Variants in PTPRT observed in about 807,000 individuals in gnomAD.
PTPRT encodes protein tyrosine phosphatase receptor type T.
A neutral mutation model predicts 176.8 loss-of-function variants in PTPRT; 56 were observed. The observed-to-expected ratio is 0.32, with a 90% CI of 0.26 to 0.40. The LOEUF is 0.40. Ranked by LOEUF, PTPRT falls within the 10% of genes least tolerant of loss-of-function variation. The pLI, the probability that PTPRT is intolerant of heterozygous loss-of-function variation, is 1.00. For missense variants in PTPRT, 1,540 were observed against 1,908.2 expected, an observed-to-expected ratio of 0.81 and a Z score of 3.60; for synonymous variants, 783 against 739.0, an observed-to-expected ratio of 1.06 and a Z score of -0.96.
At chr20:42,595,080 G>A (rs571312270) in intron 7 of PTPRT, among the ~76,000 whole-genome samples, 4 of 152,238 alleles carry the variant, frequency 2.6e-5, no homozygotes, top group South Asian at 2.1e-4. Flanking sequence ...TTGGGGCTGC[G>A]TTGTCACTCC....
chr20:42,690,964 C>T (rs1370363894), intron 6 of PTPRT, among the ~76,000 whole-genome samples: 2 of 152,178 alleles, frequency 1.3e-5, no homozygotes, highest in African/African-American at 2.4e-5. Context: ...TAGCTTTGGA[C>T]CCCTGCACTG....
chr20:42,708,267 A>T (rs2076091144), intron 6 of PTPRT, among the ~76,000 whole-genome samples: 1 of 152,186 alleles, frequency 6.6e-6, no homozygotes, highest in African/African-American at 2.4e-5. Flanking sequence ...CATTTTAAGA[A>T]TATAAAATAT....
intron 15 of PTPRT, among the ~76,000 whole-genome samples, chr20:42,212,957 A>G (rs1400409742): frequency 6.6e-6 from 1 of 152,132 alleles, no homozygotes; most frequent in Non-Finnish European, 1.5e-5. Context: ...TTTAAAAATT[A>G]CCAGTGAGAT....
intron 28 of PTPRT, 42 bp downstream of exon 28, chr20:42,085,686 G>T: frequency 6.2e-7 from 1 of 1,611,056 alleles, no homozygotes; most frequent in South Asian, 1.1e-5. Context: ...CATCTGTCTT[G>T]GGGAGGAGGG....
chr20:42,680,887 G>A lies in PTPRT; in HGVS notation c.860-2728C>T, dbSNP rs115102821. Among the ~76,000 whole-genome samples, 611 of 152,224 alleles carry A rather than the reference G, an allele frequency of 4.0e-3. 7 individuals are homozygous for A. The Middle Eastern group carries it at 0.045, about 11-fold the overall frequency. ...AATGTCCCTATCTCAAATGACTTGC[G>A]ACTTCACACATTTGTGTGCAGATTA... On this transcript the variant is annotated intron_variant, in intron 6 of 30. Coordinates refer to ENST00000373187, the MANE Select transcript of PTPRT (RefSeq NM_007050.6).
chr20:42,888,290 G>A (rs947490628), intron 1 of PTPRT, among the ~76,000 whole-genome samples: 4 of 150,632 alleles, frequency 2.7e-5, no homozygotes, highest in Non-Finnish European at 5.9e-5. Context: ...TGTTAGCACC[G>A]TAGAGCTTTG....
intron 7 of PTPRT, among the ~76,000 whole-genome samples, chr20:42,657,402 C>T (rs2075144040): frequency 6.6e-6 from 1 of 152,130 alleles, no homozygotes; most frequent in South Asian, 2.1e-4. Flanking sequence ...CTGAGGGCAT[C>T]ACAACTTCCT....
intron 9 of PTPRT, among the ~76,000 whole-genome samples, chr20:42,399,500 G>A (rs1266888776): frequency 6.6e-6 from 1 of 152,162 alleles, no homozygotes; most frequent in African/African-American, 2.4e-5. Flanking sequence ...CACCTGGGAT[G>A]GGGAGCTTTA....
chr20:42,693,196 T>C (rs1451270736), intron 6 of PTPRT, among the ~76,000 whole-genome samples: 7 of 152,212 alleles, frequency 4.6e-5, no homozygotes. Context: ...CTGCCAGACA[T>C]TACTGGGATA....
intron 14 of PTPRT, among the ~76,000 whole-genome samples, chr20:42,248,375 A>G (rs2146912787): frequency 6.6e-6 from 1 of 152,180 alleles, no homozygotes; most frequent in East Asian, 1.9e-4. Flanking sequence ...GATTGATAAC[A>G]ACACAGCAGT....
chr20:42,967,649 G>A (rs963150583), intron 1 of PTPRT, among the ~76,000 whole-genome samples: 3 of 152,096 alleles, frequency 2.0e-5, no homozygotes, highest in African/African-American at 7.2e-5. Context: ...ACAGCCCTAC[G>A]AACCGAAAAC....
intron 26 of PTPRT, among the ~76,000 whole-genome samples, chr20:42,099,551 G>GGGT (rs371339948): frequency 6.2e-5 from 4 of 64,900 alleles, no homozygotes; most frequent in Non-Finnish European, 7.5e-5. Flanking sequence ...CTGGGCGGGG[G>GGGT]GGGGGGGGGT....
chr20:42,657,575 G>GA (rs770492015), intron 7 of PTPRT, among the ~76,000 whole-genome samples: 14 of 151,318 alleles, frequency 9.3e-5, no homozygotes, highest in Non-Finnish European at 1.6e-4. Context: ...TTGTGGGGGG[G>GA]AAAAATCTGT....
rs369221181 is a variant in PTPRT, at chr20:42,843,813, G to C, written c.214+41994C>G. On this transcript the variant is annotated intron_variant, in intron 2 of 30. Transcript: ENST00000373187. ...GAGAGGGAATTAAGGGGTAAGACTT[G>C]ACCTCATGTCATCTCTTTACAGTGA... 5.3e-5 allele frequency among the ~76,000 whole-genome samples: 8 copies of C among 152,344 alleles called. No individual in the cohort carries two copies. The East Asian group carries it at 1.5e-3, about 29-fold the overall frequency.
chr20:42,269,979 G>A (rs986658363), intron 13 of PTPRT, among the ~76,000 whole-genome samples: 3 of 152,066 alleles, frequency 2.0e-5, no homozygotes, highest in African/African-American at 7.2e-5. Context: ...GCTGCACATG[G>A]GTTTGTTTAT....
chr20:42,237,684 C>A (rs899416661), intron 14 of PTPRT, among the ~76,000 whole-genome samples: 2 of 152,206 alleles, frequency 1.3e-5, no homozygotes, highest in African/African-American at 4.8e-5. Context: ...GGCTTCTAAG[C>A]AATCACAAAA....
chr20:42,569,312 G>C (rs1187959868), intron 7 of PTPRT, among the ~76,000 whole-genome samples: 1 of 151,476 alleles, frequency 6.6e-6, no homozygotes. Context: ...TTTCCCAATA[G>C]ACTGCAAGCC....
At chr20:42,995,846 G>C (rs764888501) in intron 1 of PTPRT, among the ~76,000 whole-genome samples, 8 of 151,862 alleles carry the variant, frequency 5.3e-5, no homozygotes, top group African/African-American at 9.7e-5. Flanking sequence ...TTAATAGTCA[G>C]CGTATCACTC....
At chr20:42,062,826 G>C in the PTPRT span, among the ~76,000 whole-genome samples, 29 of 152,278 alleles carry the variant, frequency 1.9e-4, no homozygotes, top group South Asian at 5.2e-3. Flanking sequence ...TCCTTGTCCT[G>C]CTTCAAAAAC....
Sources: gnomAD v4.1 joint callset for allele counts (sites outside exome capture counted in the v4.1 genomes callset) on GRCh38, gnomAD v4.1.1 for gene constraint, MANE v1.5 for transcripts, NCBI Gene and HGNC (gene_info 2026-07-23, HGNC 2026-07-21) for gene names.